The following MIS18A variants were observed in gnomAD, a reference collection of about 807,000 sequenced individuals.
MIS18A encodes the protein protein Mis18-alpha.
In MIS18A, 14 loss-of-function variants were observed where a neutral mutation model predicts 25.0. The ratio of observed to expected loss-of-function variants is 0.56; its 90% CI spans 0.37 to 0.88. The LOEUF is 0.88. Ranked by LOEUF, MIS18A falls within the 40% of genes least tolerant of loss-of-function variation. MIS18A has a pLI of 0.00. For missense variants in MIS18A, 292 were observed against 290.8 expected (o/e 1.00, Z -0.03); for synonymous variants, 134 against 118.6 (o/e 1.13, Z -0.84).
chr21:32,213,433 C>T, the MIS18A span, among the ~76,000 whole-genome samples: 1 of 152,196 alleles, frequency 6.6e-6, no homozygotes, highest in South Asian at 2.1e-4. Flanking sequence ...TAATATGCTA[C>T]TCTTTGGACA....
chr21:32,249,624 G>A, the MIS18A span, among the ~76,000 whole-genome samples: 2 of 152,142 alleles, frequency 1.3e-5, no homozygotes, highest in Non-Finnish European at 2.9e-5. Context: ...AGGAATACTC[G>A]AGGCTGAGTA....
chr21:32,245,845 G>A, the MIS18A span, among the ~76,000 whole-genome samples: 2 of 152,190 alleles, frequency 1.3e-5, no homozygotes, highest in South Asian at 4.1e-4. Context: ...ACCTGTGTTA[G>A]GCCATTCTTG....
chr21:32,157,952 T>C, the MIS18A span, among the ~76,000 whole-genome samples: 2 of 152,186 alleles, frequency 1.3e-5, no homozygotes, highest in Non-Finnish European at 2.9e-5. Context: ...AGTTTTGAGA[T>C]TAAATTTACC....
At chr21:32,232,562 G>T in the MIS18A span, among the ~76,000 whole-genome samples, 647 of 151,928 alleles carry the variant, frequency 4.3e-3, 16 homozygotes, top group South Asian at 0.065. Context: ...ATATTATTCA[G>T]CCTTTAAAAA....
At chr21:32,254,373 A>C in the MIS18A span, among the ~76,000 whole-genome samples, 39 of 151,890 alleles carry the variant, frequency 2.6e-4, 2 homozygotes, top group African/African-American at 9.4e-4. Flanking sequence ...CTAAAAATAC[A>C]AAAAGAAATT....
the MIS18A span, among the ~76,000 whole-genome samples, chr21:32,219,704 C>G: frequency 6.6e-6 from 1 of 152,176 alleles, no homozygotes; most frequent in Non-Finnish European, 1.5e-5. Flanking sequence ...CCCACAGAGC[C>G]CAACGAGCTA....
the MIS18A span, among the ~76,000 whole-genome samples, chr21:32,213,820 C>T: frequency 6.6e-6 from 1 of 152,090 alleles, no homozygotes; most frequent in Non-Finnish European, 1.5e-5. Flanking sequence ...GGCTTGTGGC[C>T]ACATCACCCT....
chr21:32,212,469 T>C, the MIS18A span, among the ~76,000 whole-genome samples: 51 of 152,214 alleles, frequency 3.4e-4, no homozygotes, highest in Non-Finnish European at 3.2e-4. Context: ...AGTCAGACTC[T>C]CACACCTGCA....
At chr21:32,196,742 C>A in the MIS18A span, among the ~76,000 whole-genome samples, 1 of 152,172 alleles carries the variant, frequency 6.6e-6, no homozygotes, top group South Asian at 2.1e-4. Flanking sequence ...GCATGAGCCA[C>A]CACGCCTGGC....
chr21:32,214,765 G>A, the MIS18A span, among the ~76,000 whole-genome samples: 1 of 152,300 alleles, frequency 6.6e-6, no homozygotes, highest in South Asian at 2.1e-4. Context: ...CTGGGCTGAG[G>A]GACAGGATAC....
chr21:32,257,560 A>G, the MIS18A span, among the ~76,000 whole-genome samples: 1 of 152,254 alleles, frequency 6.6e-6, no homozygotes, highest in South Asian at 2.1e-4. Flanking sequence ...TCTATCAGCT[A>G]TCAATCGAGG....
the MIS18A span, among the ~76,000 whole-genome samples, chr21:32,253,305 C>T: frequency 6.6e-6 from 1 of 152,138 alleles, no homozygotes; most frequent in East Asian, 1.9e-4. Context: ...AGGTACACAG[C>T]GGGCATGCGC....
chr21:32,186,263 C>T, the MIS18A span, among the ~76,000 whole-genome samples: 7 of 152,180 alleles, frequency 4.6e-5, no homozygotes, highest in East Asian at 5.8e-4. Flanking sequence ...TCTCTGACGA[C>T]GTGTCTATCC....
the MIS18A span, chr21:32,156,409 G>GT: frequency 4.6e-5 from 7 of 152,162 alleles, no homozygotes; most frequent in Admixed American, 4.6e-4. Flanking sequence ...AGTACTCACA[G>GT]TTTTTGCCAT....
chr21:32,216,982 G>T, the MIS18A span, among the ~76,000 whole-genome samples: 1 of 152,058 alleles, frequency 6.6e-6, no homozygotes, highest in Non-Finnish European at 1.5e-5. Context: ...AAAACAAACA[G>T]CAAGAACAAA....
chr21:32,191,701 C>CA, the MIS18A span, among the ~76,000 whole-genome samples: 1 of 152,292 alleles, frequency 6.6e-6, no homozygotes, highest in Admixed American at 6.5e-5. Context: ...GTCAGGAGTT[C>CA]AAGACCAGCC....
chr21:32,187,166 G>A, the MIS18A span, among the ~76,000 whole-genome samples: 92 of 152,278 alleles, frequency 6.0e-4, no homozygotes, highest in Middle Eastern at 0.01. Context: ...ACCCGCCAAC[G>A]ATGACACTCT....
chr21:32,252,203 GAGAAGAAGAAGAAGAAGAAGAAGA>G, the MIS18A span, among the ~76,000 whole-genome samples: 2 of 119,240 alleles, frequency 1.7e-5, no homozygotes, highest in African/African-American at 6.8e-5. Context: ...GGAAGAGGAG[GAGAAGAAGAAGAAGAAGAAGAAGA>G]AGAAGAAGAA....
chr21:32,202,070 C>A, the MIS18A span, among the ~76,000 whole-genome samples: 1 of 152,140 alleles, frequency 6.6e-6, no homozygotes, highest in African/African-American at 2.4e-5. Flanking sequence ...ATGTGGATCA[C>A]TTGAACCTAG....
Sources: gnomAD v4.1 joint callset for allele counts (sites outside exome capture counted in the v4.1 genomes callset) on GRCh38, gnomAD v4.1.1 for gene constraint, MANE v1.5 for transcripts, NCBI Gene and HGNC (gene_info 2026-07-23, HGNC 2026-07-21) for gene names.